Variants in CNTNAP2 observed in about 807,000 individuals in gnomAD.
CNTNAP2 encodes the protein contactin-associated protein-like 2.
A neutral mutation model predicts 155.2 loss-of-function variants in CNTNAP2; 98 were observed. The observed-to-expected ratio is 0.63, with a 90% confidence interval of 0.54 to 0.75. The LOEUF (loss-of-function observed/expected upper bound fraction) is 0.75. Among genes scored for constraint, CNTNAP2 ranks in the 30% least tolerant of loss-of-function variants. CNTNAP2 has a pLI of 0.00. For missense variants in CNTNAP2, 1,727 were observed against 1,688.1 expected, an observed-to-expected ratio of 1.02 and a Z score of -0.40; for synonymous variants, 651 against 631.2, an observed-to-expected ratio of 1.03 and a Z score of -0.47.
At chr7:147,547,031 AG>A (rs1799749264) in intron 11 of CNTNAP2, among the ~76,000 whole-genome samples, 1 of 152,188 alleles carries the variant, frequency 6.6e-6, no homozygotes, top group East Asian at 1.9e-4. Flanking sequence ...TTACCACAGC[AG>A]TGGCTGCAGT....
chr7:147,411,130 C>T (rs1238975141), intron 10 of CNTNAP2, among the ~76,000 whole-genome samples: 1 of 152,184 alleles, frequency 6.6e-6, no homozygotes, highest in Non-Finnish European at 1.5e-5. Context: ...TTTCTTAAGC[C>T]TAAGTGTATT....
At chr7:147,358,074 T>G (rs780269012) in intron 9 of CNTNAP2, among the ~76,000 whole-genome samples, 17 of 152,134 alleles carry the variant, frequency 1.1e-4, no homozygotes, top group Non-Finnish European at 2.2e-4. Context: ...TCTTATGATA[T>G]CATGCATTTA....
At chr7:147,864,881 A>T (rs1799200319) in intron 13 of CNTNAP2, among the ~76,000 whole-genome samples, 1 of 152,172 alleles carries the variant, frequency 6.6e-6, no homozygotes, top group South Asian at 2.1e-4. Context: ...AACAGGGACA[A>T]TTTGACTTCC....
intron 21 of CNTNAP2, among the ~76,000 whole-genome samples, chr7:148,337,867 C>G (rs1048780138): frequency 6.6e-6 from 1 of 152,302 alleles, no homozygotes; most frequent in African/African-American, 2.4e-5. Flanking sequence ...GATGAAAGAG[C>G]AATGGGTCAG....
chr7:146,385,197 C>T (rs1274002546), intron 1 of CNTNAP2, among the ~76,000 whole-genome samples: 2 of 151,952 alleles, frequency 1.3e-5, no homozygotes, highest in Non-Finnish European at 2.9e-5. Context: ...CTTAATTCTA[C>T]TGATATAAAT....
At chr7:147,658,072 T>C (rs11975087) in intron 13 of CNTNAP2, among the ~76,000 whole-genome samples, 59,446 of 129,272 alleles carry the variant, frequency 0.46, 17,540 homozygotes, top group African/African-American at 0.74. Flanking sequence ...CCGGCAAAAA[T>C]GGTGAAACCC....
At chr7:147,821,753 T>C (rs543128585) in intron 13 of CNTNAP2, among the ~76,000 whole-genome samples, 25 of 152,208 alleles carry the variant, frequency 1.6e-4, no homozygotes, top group South Asian at 1.2e-3. Context: ...GTGAATGTGG[T>C]GCAGAATAAA....
intron 15 of CNTNAP2, among the ~76,000 whole-genome samples, chr7:147,994,354 A>G (rs2710074): frequency 0.76 from 114,305 of 150,802 alleles, 44,317 homozygotes; most frequent in African/African-American, 0.92. Flanking sequence ...TTGAGTGACA[A>G]AGTAAGACCT....
chr7:148,229,323 A>G (rs1158644798), intron 19 of CNTNAP2, among the ~76,000 whole-genome samples: 1 of 152,212 alleles, frequency 6.6e-6, no homozygotes, highest in Non-Finnish European at 1.5e-5. Context: ...CAGAATTTCG[A>G]GACCAGCCTG....
intron 1 of CNTNAP2, among the ~76,000 whole-genome samples, chr7:146,523,126 T>G (rs1797638488): frequency 6.6e-6 from 1 of 152,060 alleles, no homozygotes; most frequent in African/African-American, 2.4e-5. Flanking sequence ...ATCTGTGTTG[T>G]CCTTTATCCC....
intron 9 of CNTNAP2, among the ~76,000 whole-genome samples, chr7:147,360,134 C>T (rs912647471): frequency 2.6e-5 from 4 of 152,094 alleles, no homozygotes; most frequent in African/African-American, 7.2e-5. Context: ...TTCAAAACAT[C>T]TTGTTTATGC....
chr7:147,797,386 C>T (rs895358772), intron 13 of CNTNAP2, among the ~76,000 whole-genome samples: 2 of 151,684 alleles, frequency 1.3e-5, no homozygotes, highest in Non-Finnish European at 2.9e-5. Flanking sequence ...TAAATATGTT[C>T]TTATTGACCA....
At chr7:146,542,052 G>A (rs145827216) in intron 1 of CNTNAP2, among the ~76,000 whole-genome samples, 24 of 152,010 alleles carry the variant, frequency 1.6e-4, no homozygotes, top group African/African-American at 5.8e-4. Flanking sequence ...TAAAAATGAG[G>A]TGAAGTGTGT....
chr7:146,147,250 A>T (rs1048760203), intron 1 of CNTNAP2, among the ~76,000 whole-genome samples: 8 of 152,138 alleles, frequency 5.3e-5, no homozygotes, highest in African/African-American at 1.4e-4. Flanking sequence ...TTTAATTGGG[A>T]AGGAAGCACA....
chr7:147,777,176 G>A (rs1797597148), intron 13 of CNTNAP2, among the ~76,000 whole-genome samples: 1 of 152,070 alleles, frequency 6.6e-6, no homozygotes, highest in Admixed American at 6.5e-5. Flanking sequence ...ATTTATGGAG[G>A]AGGAGAAGAC....
At position 147,077,223 on chromosome 7, in the gene CNTNAP2, A is replaced by T. The variant is rs1166326917; in HGVS notation, c.551-30924A>T. On this transcript the variant is annotated intron_variant, in intron 4 of 23. Transcript: ENST00000361727. ...TTTTTTTTACTAAAACAAATTTATT[A>T]TTTAAAAAAATTAACTTTTCTTTTT... Among the ~76,000 whole-genome samples, 3 of 152,256 alleles carry T rather than the reference A, an allele frequency of 2.0e-5. No homozygotes were observed. In the South Asian group the frequency reaches 6.2e-4, roughly 32 times the overall value.
At chr7:147,208,689 T>C (rs1200003856) in intron 8 of CNTNAP2, among the ~76,000 whole-genome samples, 1 of 152,056 alleles carries the variant, frequency 6.6e-6, no homozygotes, top group East Asian at 1.9e-4. Flanking sequence ...TATGCACACA[T>C]ATATTCAGAA....
At chr7:148,124,864 G>A (rs1804681410) in intron 16 of CNTNAP2, among the ~76,000 whole-genome samples, 1 of 152,150 alleles carries the variant, frequency 6.6e-6, no homozygotes, top group Non-Finnish European at 1.5e-5. Flanking sequence ...TGGGAATGAA[G>A]GGGAAGATGA....
At chr7:147,354,513 G>A (rs1013896855) in intron 9 of CNTNAP2, among the ~76,000 whole-genome samples, 8 of 152,136 alleles carry the variant, frequency 5.3e-5, no homozygotes, top group African/African-American at 1.4e-4. Context: ...TTTGGTACCA[G>A]TACCATGCTG....
Sources: allele counts gnomAD v4.1 joint callset (sites outside exome capture counted in the v4.1 genomes callset), GRCh38; gene constraint gnomAD v4.1.1; transcripts MANE v1.5; gene names NCBI Gene and HGNC (gene_info 2026-07-23, HGNC 2026-07-21).